SLC44A1: variants seen among roughly 807,000 people sequenced by gnomAD.
SLC44A1 encodes the protein solute carrier family 44 member 1, also known as choline transporter-like protein 1.
In SLC44A1, 26 loss-of-function variants were observed where a neutral mutation model predicts 79.3. That is an observed-to-expected ratio of 0.33 (90% CI 0.24 to 0.46). The LOEUF (loss-of-function observed/expected upper bound fraction) is 0.46, where lower values mean the gene tolerates loss of function less well. Ranked by LOEUF, SLC44A1 falls within the 20% of genes least tolerant of loss-of-function variation. SLC44A1 has a pLI of 1.00. For synonymous variants in SLC44A1, 263 were observed against 286.2 expected, an observed-to-expected ratio of 0.92 and a Z score of 0.82; for missense variants, 688 against 798.1, an observed-to-expected ratio of 0.86 and a Z score of 1.66.
intron 3 of SLC44A1, among the ~76,000 whole-genome samples, chr9:105,317,837 C>T (rs1831368110): frequency 6.6e-6 from 1 of 152,162 alleles, no homozygotes; most frequent in Admixed American, 6.5e-5. Context: ...ATTCTCCCTA[C>T]CTGTTGTCAA....
At chr9:105,304,729 A>G (rs1830971883) in intron 2 of SLC44A1, among the ~76,000 whole-genome samples, 1 of 152,000 alleles carries the variant, frequency 6.6e-6, no homozygotes, top group African/African-American at 2.4e-5. Flanking sequence ...GATGGTAAGG[A>G]GTGTTCATGG....
chr9:105,385,746 G>T, intron 15 of SLC44A1: 1 of 985,432 alleles, frequency 1.0e-6, no homozygotes, highest in South Asian at 4.7e-5. Flanking sequence ...CTCGGCAGGG[G>T]CGGGTAGGGG....
intron 5 of SLC44A1, among the ~76,000 whole-genome samples, chr9:105,354,864 T>C (rs569973391): frequency 2.9e-4 from 44 of 152,346 alleles, no homozygotes; most frequent in African/African-American, 1.0e-3. Flanking sequence ...ACAAGGATAG[T>C]GTTTTGCTTC....
intron 3 of SLC44A1, among the ~76,000 whole-genome samples, chr9:105,311,977 C>T (rs1266615857): frequency 6.6e-6 from 1 of 152,090 alleles, no homozygotes; most frequent in African/African-American, 2.4e-5. Context: ...TACTTCTTTG[C>T]TTCCTTATGA....
At chr9:105,432,874 G>A (rs1049408820) in intron 15 of SLC44A1, among the ~76,000 whole-genome samples, 1 of 152,048 alleles carries the variant, frequency 6.6e-6, no homozygotes, top group African/African-American at 2.4e-5. Flanking sequence ...ATTTGACACT[G>A]TAAAAAATAA....
rs571919373 is a variant in SLC44A1 at position 105,283,790 on chromosome 9, C to G, written c.37-15430C>G. Among the ~76,000 whole-genome samples, 3 of 152,298 alleles carry G rather than the reference C, an allele frequency of 2.0e-5. No homozygotes were observed. The South Asian group carries it at 6.2e-4, about 32-fold the overall frequency. On this transcript the variant is annotated intron_variant, in intron 1 of 15. Transcript: ENST00000374720. ...GTTAGCAGCTTAGTCTGTATATATTCTTCCCAAGTGTCTGTAATTGCAATA... is the reference window on the plus strand; with the variant it reads ...GTTAGCAGCTTAGTCTGTATATATTGTTCCCAAGTGTCTGTAATTGCAATA...
intron 1 of SLC44A1, among the ~76,000 whole-genome samples, chr9:105,279,641 C>A (rs1307701242): frequency 6.6e-6 from 1 of 152,116 alleles, no homozygotes; most frequent in African/African-American, 2.4e-5. Flanking sequence ...TTAATAAGAT[C>A]CACTGTCTTA....
intron 5 of SLC44A1, 38 bp from the exon 6 acceptor site, chr9:105,356,174 G>A: frequency 6.5e-7 from 1 of 1,549,376 alleles, no homozygotes; most frequent in Non-Finnish European, 8.9e-7. Flanking sequence ...TTAAGTAGGA[G>A]TAATTTTTTT....
At chr9:105,349,583 A>G (rs1827341577) in intron 5 of SLC44A1, among the ~76,000 whole-genome samples, 1 of 152,198 alleles carries the variant, frequency 6.6e-6, no homozygotes, top group Admixed American at 6.5e-5. Flanking sequence ...GCCTTAAACC[A>G]ACAGCTACGG....
At chr9:105,363,874 C>T (rs1251252809) in intron 9 of SLC44A1, among the ~76,000 whole-genome samples, 2 of 152,210 alleles carry the variant, frequency 1.3e-5, no homozygotes, top group Non-Finnish European at 2.9e-5. Context: ...AGTTCCAATA[C>T]TGACTCAGAC....
chr9:105,264,007 CAATTTTTGACATT>C (rs759703937), intron 1 of SLC44A1, among the ~76,000 whole-genome samples: 14 of 152,086 alleles, frequency 9.2e-5, no homozygotes, highest in Non-Finnish European at 2.1e-4. Flanking sequence ...CCTCGCTTTT[CAATTTTTGACATT>C]AATTTTGGAC....
intron 5 of SLC44A1, among the ~76,000 whole-genome samples, chr9:105,352,391 G>C (rs1211500988): frequency 1.3e-5 from 2 of 152,176 alleles, no homozygotes. Context: ...ATACTTTAGG[G>C]AGCTTATTAA....
At position 105,356,161 on chromosome 9, in the gene SLC44A1, A is replaced by G. The variant is rs764172932; in HGVS notation, c.501-51A>G. 1.3e-5 allele frequency: 19 copies of G among 1,423,016 alleles called. No homozygotes were observed. In the East Asian group the frequency reaches 2.0e-4, roughly 15 times the overall value. The allele number at this position is 1,423,016 out of a possible 1,614,324, so 88.1% of individuals were successfully genotyped here. A position where few individuals can be genotyped will look rare whatever the true frequency, so the allele number is the denominator to read the frequency against. ...CATTTGTGTGTTTGATGTGGCATTT[A>G]TATTAAGTAGGAGTAATTTTTTTTC... On this transcript the variant is annotated intron_variant, in intron 5 of 15. Transcript: ENST00000374720.
intron 1 of SLC44A1, among the ~76,000 whole-genome samples, chr9:105,279,816 A>G (rs1262666936): frequency 6.6e-6 from 1 of 152,208 alleles, no homozygotes; most frequent in Non-Finnish European, 1.5e-5. Flanking sequence ...AGGAGATAAA[A>G]TACAAAAAAA....
intron 1 of SLC44A1, among the ~76,000 whole-genome samples, chr9:105,262,164 A>C (rs975061761): frequency 6.6e-6 from 1 of 152,174 alleles, no homozygotes; most frequent in Non-Finnish European, 1.5e-5. Context: ...TTTTAAACTA[A>C]TTTTCAAAAC....
chr9:105,288,911 T>C (rs1407753232), intron 1 of SLC44A1, among the ~76,000 whole-genome samples: 2 of 152,218 alleles, frequency 1.3e-5, no homozygotes, highest in East Asian at 3.8e-4. Context: ...AATCTTACAA[T>C]AAAGGCTCAA....
intron 1 of SLC44A1, among the ~76,000 whole-genome samples, chr9:105,291,302 A>G (rs2131272482): frequency 6.6e-6 from 1 of 152,348 alleles, no homozygotes; most frequent in East Asian, 1.9e-4. Context: ...TTTGTCTTTA[A>G]TACTGGAGGT....
chr9:105,345,249 C>T (rs531628843), intron 4 of SLC44A1, among the ~76,000 whole-genome samples: 4 of 152,144 alleles, frequency 2.6e-5, no homozygotes, highest in African/African-American at 9.6e-5. Context: ...ATAGGAAGGT[C>T]TAATGTCAGG....
downstream of SLC44A1, among the ~76,000 whole-genome samples, chr9:105,401,824 C>A (rs1828962006): frequency 6.6e-6 from 1 of 152,152 alleles, no homozygotes; most frequent in African/African-American, 2.4e-5. Flanking sequence ...GAGTTATATT[C>A]TGGGAGCTCA....
Sources: allele counts gnomAD v4.1 joint callset (sites outside exome capture counted in the v4.1 genomes callset), GRCh38; gene constraint gnomAD v4.1.1; transcripts MANE v1.5; gene names NCBI Gene and HGNC (gene_info 2026-07-23, HGNC 2026-07-21).